PPP1CC: variants seen among roughly 807,000 people sequenced by gnomAD.
PPP1CC encodes the protein serine/threonine-protein phosphatase PP1-gamma catalytic subunit.
Under a neutral mutation model 38.4 loss-of-function variants are expected in PPP1CC, and 16 were observed. The ratio of observed to expected loss-of-function variants is 0.42; its 90% CI spans 0.28 to 0.63. The LOEUF is 0.63. Among genes scored for constraint, PPP1CC ranks in the 30% least tolerant of loss-of-function variants. The pLI is 0.25. For missense variants in PPP1CC, 170 were observed against 391.3 expected, an observed-to-expected ratio of 0.43 and a Z score of 4.77; for synonymous variants, 158 against 136.0, an observed-to-expected ratio of 1.16 and a Z score of -1.13.
At chr12:110,719,026 C>A (rs532069263), downstream of PPP1CC, among the ~76,000 whole-genome samples, 6 of 152,150 alleles carry the variant, frequency 3.9e-5, no homozygotes, top group South Asian at 1.2e-3. Flanking sequence ...ATGATATAAT[C>A]CTAGTAGAGC....
At chr12:110,732,101 G>C in intron 1 of PPP1CC, 200 bp from the exon 2 acceptor site, 1 of 601,440 alleles carries the variant, frequency 1.7e-6, no homozygotes, top group Non-Finnish European at 2.9e-6. Flanking sequence ...TCGATACCAA[G>C]TAAGACTTCT....
chr12:110,709,686 G>A, the PPP1CC span, among the ~76,000 whole-genome samples: 3 of 151,622 alleles, frequency 2.0e-5, no homozygotes, highest in Non-Finnish European at 2.9e-5. Context: ...AGCCTCCCCA[G>A]TAGCTGGGAT....
intron 4 of PPP1CC, among the ~76,000 whole-genome samples, chr12:110,723,172 A>C (rs2069759086): frequency 6.6e-6 from 1 of 152,192 alleles, no homozygotes; most frequent in Non-Finnish European, 1.5e-5. Context: ...TGGGATGCAT[A>C]TTGTAAGAGT....
intron 3 of PPP1CC, chr12:110,726,750 T>C (rs1321336321): frequency 6.6e-6 from 1 of 152,208 alleles, no homozygotes; most frequent in East Asian, 1.9e-4. Flanking sequence ...TTCAGATTTT[T>C]GGATTAGGGA....
intron 1 of PPP1CC, among the ~76,000 whole-genome samples, chr12:110,739,612 C>T (rs2069990651): frequency 6.6e-6 from 1 of 152,286 alleles, no homozygotes; most frequent in South Asian, 2.1e-4. Flanking sequence ...TGAGCCAGGG[C>T]AGAGATCATA....
chr12:110,717,576 T>TTAG (rs2069697494), downstream of PPP1CC, among the ~76,000 whole-genome samples: 1 of 151,974 alleles, frequency 6.6e-6, no homozygotes, highest in Non-Finnish European at 1.5e-5. Context: ...TCTATTTTTT[T>TTAG]TAGTAGAGAC....
At chr12:110,730,267 G>T (rs1483619118) in intron 3 of PPP1CC, among the ~76,000 whole-genome samples, 2 of 152,230 alleles carry the variant, frequency 1.3e-5, no homozygotes. Context: ...GCTGAGGCAG[G>T]AGGATTGCTT....
At chr12:110,738,099 C>T (rs935751207) in intron 1 of PPP1CC, among the ~76,000 whole-genome samples, 1 of 152,142 alleles carries the variant, frequency 6.6e-6, no homozygotes, top group African/African-American at 2.4e-5. Context: ...ACTGAGTAGA[C>T]TACATTTTGA....
downstream of PPP1CC, among the ~76,000 whole-genome samples, chr12:110,718,786 C>T (rs141606525): frequency 2.7e-3 from 405 of 152,200 alleles, 2 homozygotes; most frequent in Admixed American, 5.9e-3. Flanking sequence ...TAGGAGGGGC[C>T]AAGACTTGGG....
chr12:110,720,989 A>G lies in PPP1CC; in HGVS notation c.*87T>C. 1 of 1,187,006 alleles carries G rather than the reference A, an allele frequency of 8.4e-7. No individual in the cohort carries two copies. Among genetic ancestry groups the G allele is most frequent in the East Asian group, 2.5e-5 (1 of 40,742 alleles). The allele number at this position is 1,187,006 out of a possible 1,614,324, so 73.5% of individuals were successfully genotyped here. On this transcript the variant is annotated 3_prime_UTR_variant, in exon 7 of 7. Coordinates refer to ENST00000335007, the MANE Select transcript of PPP1CC (RefSeq NM_002710.4). ...CCCACAAACACAGATCTATCTGAGC[A>G]AGCTGACCAGTACACATTACAGTCT...
chr12:110,730,813 T>A (rs1244136853), intron 2 of PPP1CC, 54 bp from the exon 3 acceptor site: 9 of 1,196,246 alleles, frequency 7.5e-6, no homozygotes, highest in Non-Finnish European at 1.1e-5. Context: ...CTCAATCCAC[T>A]AACAAAGCTT....
chr12:110,711,589 G>A, the PPP1CC span, among the ~76,000 whole-genome samples: 1 of 152,080 alleles, frequency 6.6e-6, no homozygotes, highest in Non-Finnish European at 1.5e-5. Flanking sequence ...CGATGGGTAT[G>A]TGGGTGTTTT....
At chr12:110,717,095 C>T (rs2069693263), downstream of PPP1CC, among the ~76,000 whole-genome samples, 2 of 152,172 alleles carry the variant, frequency 1.3e-5, no homozygotes, top group Non-Finnish European at 2.9e-5. Flanking sequence ...ATTCATTGGT[C>T]TTATACCAGG....
chr12:110,721,094 T>A lies in PPP1CC; in HGVS notation c.954A>T (p.Thr318=), dbSNP rs552169858. The A allele has an allele frequency of 1.2e-6, 2 of 1,613,928 alleles. No individual in the cohort carries two copies. Among genetic ancestry groups the A allele is most frequent in the African/African-American group, 1.3e-5 (1 of 75,048 alleles). ...RPVTPPRGMI[T]KQAKK ...ACGACATCTATTTCTTTGCTTGCTTTGTGATCATACCCCTTGGAGGCGTTA... is the reference window on the plus strand; with the variant it reads ...ACGACATCTATTTCTTTGCTTGCTTAGTGATCATACCCCTTGGAGGCGTTA... The change falls in exon 7 of 7, where the codon ACA becomes ACT. Residue 318 remains threonine, a synonymous_variant. Transcript: ENST00000335007.
chr12:110,729,296 G>A (rs2069845396), intron 3 of PPP1CC, among the ~76,000 whole-genome samples: 1 of 148,658 alleles, frequency 6.7e-6, no homozygotes. Flanking sequence ...CTGGGTTCAA[G>A]TGATTCTCCT....
intron 1 of PPP1CC, among the ~76,000 whole-genome samples, chr12:110,741,929 C>G (rs532338064): frequency 6.6e-6 from 1 of 152,140 alleles, no homozygotes; most frequent in African/African-American, 2.4e-5. Context: ...AATTCATGGA[C>G]GCAAAGTGCT....
chr12:110,742,206 G>A (rs1015766418), intron 1 of PPP1CC, among the ~76,000 whole-genome samples: 1 of 152,094 alleles, frequency 6.6e-6, no homozygotes, highest in African/African-American at 2.4e-5. Flanking sequence ...CAAACCCGGC[G>A]GAACTCATGC....
Position 110,731,904 on chromosome 12 carries a change from G to GC in PPP1CC, c.56-4dup. On this transcript the variant is annotated splice_region_variant and splice_polypyrimidine_tract_variant and intron_variant, in intron 1 of 6. Transcript: ENST00000335007. ...CTTACCAGGCTTGGACCCTCTCACT[G>GC]CAAGAGAAAAATCGCAATTAGTCCA... 1 of 1,609,324 alleles carries GC rather than the reference G, an allele frequency of 6.2e-7. No homozygotes were observed. Among genetic ancestry groups the GC allele is most frequent in the Non-Finnish European group, 8.5e-7 (1 of 1,176,440 alleles).
downstream of PPP1CC, among the ~76,000 whole-genome samples, chr12:110,718,836 C>T (rs1390575780): frequency 2.6e-5 from 4 of 152,118 alleles, no homozygotes; most frequent in African/African-American, 7.2e-5. Flanking sequence ...AAACAGATTT[C>T]AAACTGAGTC....
Sources: allele counts gnomAD v4.1 joint callset (sites outside exome capture counted in the v4.1 genomes callset), GRCh38; gene constraint gnomAD v4.1.1; transcripts MANE v1.5; gene names NCBI Gene and HGNC (gene_info 2026-07-23, HGNC 2026-07-21).